The following ASTN1 variants were observed in gnomAD, a reference collection of about 807,000 sequenced individuals.
ASTN1 encodes astrotactin 1, also known as astrotactin-1.
ASTN1 carries 41 observed loss-of-function variants against 140.7 expected under a neutral mutation model. That is an observed-to-expected ratio of 0.29 (90% CI 0.23 to 0.38). ASTN1 has a LOEUF of 0.38. Among genes scored for constraint, ASTN1 ranks in the 10% least tolerant of loss-of-function variants. ASTN1 has a pLI of 1.00. For missense variants in ASTN1, 1,479 were observed against 1,678.8 expected, an observed-to-expected ratio of 0.88 and a Z score of 2.08; for synonymous variants, 640 against 652.2, an observed-to-expected ratio of 0.98 and a Z score of 0.29.
At chr1:176,904,521 C>T (rs1557948521) in intron 16 of ASTN1, among the ~76,000 whole-genome samples, 1 of 152,098 alleles carries the variant, frequency 6.6e-6, no homozygotes, top group African/African-American at 2.4e-5. Flanking sequence ...TGAGGAACAC[C>T]TGCGGGATTT....
intron 21 of ASTN1, among the ~76,000 whole-genome samples, chr1:176,869,699 G>T (rs1668261671): frequency 6.6e-6 from 1 of 152,176 alleles, no homozygotes; most frequent in Admixed American, 6.5e-5. Context: ...TTCCATCCAT[G>T]ATTGGTCTGA....
intron 16 of ASTN1, among the ~76,000 whole-genome samples, chr1:176,912,758 G>A (rs1195959524): frequency 6.6e-6 from 1 of 152,136 alleles, no homozygotes; most frequent in East Asian, 1.9e-4. Context: ...TTAGCCAAAG[G>A]AATTTAAAAA....
At chr1:176,947,251 T>C (rs1001629231) in intron 12 of ASTN1, among the ~76,000 whole-genome samples, 8 of 152,228 alleles carry the variant, frequency 5.3e-5, no homozygotes, top group African/African-American at 1.7e-4. Flanking sequence ...AGAGACTGCA[T>C]GTAATGAGCT....
intron 8 of ASTN1, among the ~76,000 whole-genome samples, chr1:176,992,971 T>C (rs1011803877): frequency 1.4e-4 from 22 of 152,174 alleles, no homozygotes; most frequent in Non-Finnish European, 2.6e-4. Context: ...TCTAATCCAA[T>C]AGGATTGGCT....
chr1:176,982,775 A>G (rs1297050221), intron 8 of ASTN1, among the ~76,000 whole-genome samples: 1 of 152,214 alleles, frequency 6.6e-6, no homozygotes, highest in Non-Finnish European at 1.5e-5. Flanking sequence ...AGAGAGAACA[A>G]TTGCTTTACT....
At chr1:177,046,518 G>A (rs544070426) in intron 2 of ASTN1, among the ~76,000 whole-genome samples, 5 of 152,130 alleles carry the variant, frequency 3.3e-5, no homozygotes, top group Non-Finnish European at 7.3e-5. Flanking sequence ...TGGACATTCG[G>A]GCTCTGGGAG....
At chr1:176,929,406 C>T (rs568953154) in intron 16 of ASTN1, among the ~76,000 whole-genome samples, 2 of 152,254 alleles carry the variant, frequency 1.3e-5, no homozygotes, top group South Asian at 2.1e-4. Flanking sequence ...AGGAAGAGGC[C>T]GCTTGCTAAG....
At chr1:176,857,642 G>A (rs144349355), downstream of ASTN1, 371 of 619,124 alleles carry the variant, frequency 6.0e-4, 2 homozygotes, top group East Asian at 5.0e-3. Context: ...GTCCCAACAC[G>A]CTGGAAGCCT....
chr1:177,035,375 C>T (rs540344847), intron 2 of ASTN1, among the ~76,000 whole-genome samples: 3 of 152,146 alleles, frequency 2.0e-5, no homozygotes, highest in Non-Finnish European at 2.9e-5. Flanking sequence ...ACATCCAGAC[C>T]CATTGTCAGT....
At chr1:177,039,310 G>A (rs1260462858) in intron 2 of ASTN1, among the ~76,000 whole-genome samples, 1 of 152,200 alleles carries the variant, frequency 6.6e-6, no homozygotes, top group Non-Finnish European at 1.5e-5. Context: ...ACAAGAGTTT[G>A]GTAGCTCATG....
At chr1:177,100,328 T>TA (rs558703496) in intron 1 of ASTN1, among the ~76,000 whole-genome samples, 13 of 151,886 alleles carry the variant, frequency 8.6e-5, no homozygotes, top group East Asian at 3.9e-4. Flanking sequence ...TCCTTTGCCT[T>TA]AAAAAAAAGC....
At chr1:176,991,631 G>T (rs771102356) in intron 8 of ASTN1, among the ~76,000 whole-genome samples, 3 of 152,134 alleles carry the variant, frequency 2.0e-5, no homozygotes, top group Non-Finnish European at 2.9e-5. Flanking sequence ...ATTGTGAGCC[G>T]GGCTGGATTA....
At chr1:177,113,658 A>T (rs1278751152) in intron 1 of ASTN1, among the ~76,000 whole-genome samples, 1 of 152,190 alleles carries the variant, frequency 6.6e-6, no homozygotes. Context: ...ATATTGCCCC[A>T]GTTCCAGAAG....
At chr1:177,117,039 G>C (rs898112089) in intron 1 of ASTN1, among the ~76,000 whole-genome samples, 1 of 152,028 alleles carries the variant, frequency 6.6e-6, no homozygotes, top group South Asian at 2.1e-4. Flanking sequence ...TCTTAAAGTA[G>C]GTGTCTACGT....
In ASTN1 at chr1:177,023,472, G is replaced by A; in HGVS notation, c.1370C>T (p.Pro457Leu). Residue 457 changes from proline (P) to leucine (L), a missense_variant, in exon 7 of 23, where the codon CCC (proline) becomes CTC (leucine). Around this residue, in one of 3 missense-constraint regions of ASTN1, gnomAD observed 729 missense variants for 860.4 expected, o/e 0.85. Coordinates refer to ENST00000361833, the MANE Select transcript of ASTN1 (RefSeq NM_004319.3). ...VLFSQQNSSG[P>L]WAMDLCARRL... is the part of the protein sequence containing the mutation. ...CCGGGCACAGAGGTCCATGGCCCAG[G>A]GTCCGCTGGAGTTCTGCTGAGAGAA... is the stretch of plus-strand genomic sequence containing the variant. 1 of 1,612,114 alleles carries A rather than the reference G, an allele frequency of 6.2e-7. No individual in the cohort carries two copies.
chr1:177,158,659 T>C (rs1291221462), intron 1 of ASTN1, among the ~76,000 whole-genome samples: 2 of 84,468 alleles, frequency 2.4e-5, no homozygotes, highest in Non-Finnish European at 5.7e-5. Flanking sequence ...AAAGTACGTG[T>C]GTGTGTGTGT....
chr1:176,980,129 G>T (rs1258580264), intron 8 of ASTN1, among the ~76,000 whole-genome samples: 2 of 152,148 alleles, frequency 1.3e-5, no homozygotes, highest in Non-Finnish European at 2.9e-5. Flanking sequence ...TGACTGGGGG[G>T]CAAAGATTGG....
chr1:176,940,224 A>G (rs921744279), intron 14 of ASTN1, among the ~76,000 whole-genome samples: 4 of 152,158 alleles, frequency 2.6e-5, no homozygotes, highest in Admixed American at 2.0e-4. Context: ...ATCCGCAGCA[A>G]CCAGCTCAGA....
At position 177,061,066 on chromosome 1, in the gene ASTN1, T is replaced by G; in HGVS notation, c.471+12A>C. On this transcript the variant is annotated intron_variant, in intron 2 of 22. Transcript: ENST00000361833. ...GCTATGGCCTGAGAGGCTAAGGCTG[T>G]TCTGCTCTTACCATGACTGAGATGT... 2 of 1,574,666 alleles carry G rather than the reference T, an allele frequency of 1.3e-6. No individual in the cohort carries two copies. Among genetic ancestry groups the G allele is most frequent in the Non-Finnish European group, 1.7e-6 (2 of 1,160,118 alleles).
Sources: allele counts gnomAD v4.1 joint callset (sites outside exome capture counted in the v4.1 genomes callset), GRCh38; gene constraint gnomAD v4.1.1; regional missense constraint gnomAD v4.1.1; transcripts MANE v1.5; gene names NCBI Gene and HGNC (gene_info 2026-07-23, HGNC 2026-07-21).